KLF12: variants seen among roughly 807,000 people sequenced by gnomAD.
The protein encoded by KLF12 is KLF transcription factor 12.
A neutral mutation model predicts 37.8 loss-of-function variants in KLF12; 9 were observed. The ratio of observed to expected loss-of-function variants is 0.24; its 90% CI spans 0.14 to 0.42. The LOEUF is 0.42. Among genes scored for constraint, KLF12 ranks in the 10% least tolerant of loss-of-function variants. The pLI is 1.00. For missense variants in KLF12, 411 were observed against 516.0 expected, an observed-to-expected ratio of 0.80 and a Z score of 1.97; for synonymous variants, 208 against 202.1, an observed-to-expected ratio of 1.03 and a Z score of -0.25.
chr13:73,944,741 T>C (rs1300072552), intron 2 of KLF12, among the ~76,000 whole-genome samples: 2 of 149,208 alleles, frequency 1.3e-5, no homozygotes, highest in Non-Finnish European at 3.0e-5. Context: ...GAAAATCTTA[T>C]CTATATTGTA....
chr13:74,092,792 C>T (rs1363560050), intron 1 of KLF12, among the ~76,000 whole-genome samples: 1 of 152,136 alleles, frequency 6.6e-6, no homozygotes, highest in Admixed American at 6.5e-5. Flanking sequence ...ATAACTTAGA[C>T]ATTTTTCCTA....
intron 4 of KLF12, among the ~76,000 whole-genome samples, chr13:73,836,554 A>G (rs1166521050): frequency 6.6e-6 from 1 of 152,214 alleles, no homozygotes; most frequent in East Asian, 1.9e-4. Context: ...CAGTGAGTAT[A>G]GATGCCAAAA....
intron 5 of KLF12, among the ~76,000 whole-genome samples, chr13:73,796,533 G>GTGTT (rs1881980984): frequency 6.7e-6 from 1 of 150,174 alleles, no homozygotes; most frequent in African/African-American, 2.5e-5. Context: ...GTGTGTGTGT[G>GTGTT]TGTGTGTGTG....
At chr13:74,114,021 G>T (rs1391254599) in intron 1 of KLF12, among the ~76,000 whole-genome samples, 1 of 152,152 alleles carries the variant, frequency 6.6e-6, no homozygotes, top group African/African-American at 2.4e-5. Flanking sequence ...AACAGCAAGA[G>T]AAATAGAATT....
intron 6 of KLF12, among the ~76,000 whole-genome samples, chr13:73,735,452 T>G: frequency 6.6e-6 from 1 of 152,220 alleles, no homozygotes; most frequent in Admixed American, 6.5e-5. Context: ...TGTCGCCCCC[T>G]AGGGGCTCTG....
rs1873998051 is a variant in KLF12 at position 73,694,458 on chromosome 13, T to C, written c.*1032A>G. 1 of 152,644 alleles carries C rather than the reference T, an allele frequency of 6.6e-6. No individual in the cohort carries two copies. Among genetic ancestry groups the C allele is most frequent in the Non-Finnish European group, 1.5e-5 (1 of 68,040 alleles). 9.5% of individuals were successfully genotyped at this position (152,644 alleles called of 1,614,324 possible). On this transcript the variant is annotated 3_prime_UTR_variant, in exon 8 of 8. Coordinates refer to ENST00000377669, the MANE Select transcript of KLF12 (RefSeq NM_007249.5). ...TAACGTGAGTCCTCAGTGAAGTTAT[T>C]GTAGGAAAGTCCTTTTATTCATTAT...
At chr13:74,142,701 T>G in the KLF12 span, among the ~76,000 whole-genome samples, 26 of 152,288 alleles carry the variant, frequency 1.7e-4, 1 homozygote, top group African/African-American at 6.3e-4. Context: ...CCTAGGATAT[T>G]CTGGGTACCC....
intron 3 of KLF12, among the ~76,000 whole-genome samples, chr13:73,879,095 C>G (rs1445773787): frequency 6.6e-6 from 1 of 152,156 alleles, no homozygotes; most frequent in Non-Finnish European, 1.5e-5. Flanking sequence ...AAAATTCAAA[C>G]TACTGAGACT....
At chr13:73,837,517 T>C (rs1884499527) in intron 4 of KLF12, among the ~76,000 whole-genome samples, 1 of 152,110 alleles carries the variant, frequency 6.6e-6, no homozygotes, top group Admixed American at 6.6e-5. Flanking sequence ...CCAATGTATC[T>C]GTAGGAAAAA....
chr13:73,976,651 C>T (rs1270300827), intron 2 of KLF12, among the ~76,000 whole-genome samples: 2 of 152,120 alleles, frequency 1.3e-5, no homozygotes, highest in Non-Finnish European at 2.9e-5. Flanking sequence ...TTTTTAACGA[C>T]TACATTTAGA....
At chr13:73,837,809 C>T (rs544856906) in intron 4 of KLF12, among the ~76,000 whole-genome samples, 1 of 152,274 alleles carries the variant, frequency 6.6e-6, no homozygotes, top group South Asian at 2.1e-4. Context: ...CTAGTAGTCA[C>T]CATACTTAAG....
At position 73,804,606 on chromosome 13, in the gene KLF12, C is replaced by G. The variant is rs190107117; in HGVS notation, c.806+8546G>C. On this transcript the variant is annotated intron_variant, in intron 5 of 7. Transcript: ENST00000377669. ...GGCTGGTGGGCTGATAATGGCAAAG[C>G]ATATACTTTAGGTTTTATCTACAGT... Among the ~76,000 whole-genome samples the G allele has an allele frequency of 3.3e-5, 5 of 152,210 alleles. No individual in the cohort carries two copies. The East Asian group carries it at 9.7e-4, about 29-fold the overall frequency.
intron 3 of KLF12, among the ~76,000 whole-genome samples, chr13:73,936,276 C>T (rs192330388): frequency 5.3e-5 from 8 of 152,170 alleles, no homozygotes; most frequent in Admixed American, 3.3e-4. Flanking sequence ...CAGATCAGTT[C>T]GGTCCTTTCA....
intron 6 of KLF12, among the ~76,000 whole-genome samples, 176 bp from the exon 7 acceptor site, chr13:73,715,701 G>A (rs766526290): frequency 3.3e-5 from 5 of 152,128 alleles, no homozygotes; most frequent in Non-Finnish European, 5.9e-5. Flanking sequence ...TGAAAGGCAG[G>A]CAGCATGAGT....
At chr13:74,207,283 T>C in the KLF12 span, among the ~76,000 whole-genome samples, 4 of 152,216 alleles carry the variant, frequency 2.6e-5, no homozygotes, top group Non-Finnish European at 4.4e-5. Flanking sequence ...TTTCAATACA[T>C]GCTTTATGCG....
At chr13:74,288,859 A>C in the KLF12 span, among the ~76,000 whole-genome samples, 1 of 152,150 alleles carries the variant, frequency 6.6e-6, no homozygotes, top group Non-Finnish European at 1.5e-5. Flanking sequence ...CTGTTCTGTC[A>C]GTCTCCCCAG....
chr13:74,227,142 T>C, the KLF12 span, among the ~76,000 whole-genome samples: 1 of 152,206 alleles, frequency 6.6e-6, no homozygotes, highest in African/African-American at 2.4e-5. Context: ...TCACTTGCCT[T>C]TCCTCAAACA....
intron 5 of KLF12, among the ~76,000 whole-genome samples, chr13:73,802,520 C>A (rs1191933436): frequency 1.3e-5 from 2 of 151,990 alleles, no homozygotes; most frequent in Non-Finnish European, 2.9e-5. Flanking sequence ...AGATTTGTTA[C>A]CTGGGTATAC....
chr13:73,881,953 T>C (rs552821571), intron 3 of KLF12, among the ~76,000 whole-genome samples: 3 of 152,332 alleles, frequency 2.0e-5, no homozygotes, highest in African/African-American at 7.2e-5. Context: ...TGGGTCTTTT[T>C]CATCCATACA....
Sources: gnomAD v4.1 joint callset for allele counts (sites outside exome capture counted in the v4.1 genomes callset) on GRCh38, gnomAD v4.1.1 for gene constraint, MANE v1.5 for transcripts, NCBI Gene and HGNC (gene_info 2026-07-23, HGNC 2026-07-21) for gene names.